ALK: variants seen among roughly 807,000 people sequenced by gnomAD.
ALK encodes the protein ALK tyrosine kinase receptor.
In ALK, 74 loss-of-function variants were observed where a neutral mutation model predicts 163.1. That is an observed-to-expected ratio of 0.45 (90% confidence interval 0.38 to 0.55). ALK has a LOEUF of 0.55. Among genes scored for constraint, ALK ranks in the 20% least tolerant of loss-of-function variants. The probability of loss-of-function intolerance (pLI) is 0.00; values close to 1 mark genes in which losing one functional copy is unlikely to be tolerated. For missense variants in ALK, 2,063 were observed against 2,105.3 expected (o/e 0.98, Z 0.39); for synonymous variants, 960 against 843.2 (o/e 1.14, Z -2.40).
At chr2:29,845,685 C>G (rs746347971) in intron 1 of ALK, among the ~76,000 whole-genome samples, 5 of 152,218 alleles carry the variant, frequency 3.3e-5, no homozygotes, top group Non-Finnish European at 7.3e-5. Context: ...CCACCTGCCT[C>G]AGCCTCCAAA....
chr2:29,542,329 C>T (rs918014479), intron 3 of ALK, among the ~76,000 whole-genome samples: 1 of 152,016 alleles, frequency 6.6e-6, no homozygotes, highest in Non-Finnish European at 1.5e-5. Flanking sequence ...AAAATTACTC[C>T]CTTCGTCTTG....
chr2:29,687,485 G>T (rs781012792), intron 3 of ALK, among the ~76,000 whole-genome samples: 6 of 151,748 alleles, frequency 4.0e-5, no homozygotes, highest in Non-Finnish European at 7.4e-5. Context: ...CAAAGTCTAA[G>T]ATAACTCAAT....
chr2:29,663,743 T>C (rs1459116382), intron 3 of ALK, among the ~76,000 whole-genome samples: 1 of 152,142 alleles, frequency 6.6e-6, no homozygotes, highest in Non-Finnish European at 1.5e-5. Flanking sequence ...TGGGTATCAG[T>C]AGTTGTGAAA....
At chr2:29,394,108 T>C (rs1669245300) in intron 4 of ALK, among the ~76,000 whole-genome samples, 1 of 152,144 alleles carries the variant, frequency 6.6e-6, no homozygotes, top group Admixed American at 6.6e-5. Flanking sequence ...TGGCCCTACA[T>C]CAAGCACTGG....
intron 1 of ALK, among the ~76,000 whole-genome samples, chr2:29,845,413 T>C (rs947674787): frequency 2.0e-5 from 3 of 147,300 alleles, no homozygotes; most frequent in Non-Finnish European, 4.5e-5. Context: ...GTGTCTTTGC[T>C]GCAAGGCTTC....
At chr2:29,497,170 G>T (rs1672050517) in intron 4 of ALK, among the ~76,000 whole-genome samples, 1 of 152,114 alleles carries the variant, frequency 6.6e-6, no homozygotes, top group Non-Finnish European at 1.5e-5. Context: ...TACTAGGGAG[G>T]ATGAGGCAGG....
At chr2:29,221,015 G>T in intron 22 of ALK, 180 bp from the exon 23 acceptor site, 1 of 833,248 alleles carries the variant, frequency 1.2e-6, no homozygotes, top group Non-Finnish European at 2.0e-6. Flanking sequence ...CTGGTGAGCA[G>T]GTGGGAAGAA....
In ALK at chr2:29,470,947, TTAAG is replaced by T. The variant is rs1407643520; in HGVS notation, c.1154+60964_1154+60967del. On this transcript the variant is annotated intron_variant, in intron 4 of 28. Transcript: ENST00000389048. ...AAGAAAGGATGGTGGCTAGTGGAGT[TTAAG>T]TAATCAGGTTCTTGCCTTGTTCAGG... is the stretch of plus-strand genomic sequence containing the variant. Among the ~76,000 whole-genome samples the T allele has an allele frequency of 2.6e-5, 4 of 152,198 alleles. No individual in the cohort carries two copies. The East Asian group carries it at 5.8e-4, about 22-fold the overall frequency.
At chr2:29,785,015 A>G (rs570706957) in intron 1 of ALK, among the ~76,000 whole-genome samples, 2 of 152,180 alleles carry the variant, frequency 1.3e-5, no homozygotes, top group East Asian at 3.9e-4. Flanking sequence ...GCCCTGAACC[A>G]CTGACAAGAA....
In ALK at chr2:29,229,005, C is replaced by T; in HGVS notation, c.2694G>A (p.Glu898=). 2 of 1,613,432 alleles carry T rather than the reference C, an allele frequency of 1.2e-6. No homozygotes were observed. The highest frequency in any genetic ancestry group is 2.2e-5 in the East Asian group (1 of 44,830). ...GGCAGGAATGTCCTCCGGTGGCACC[C>T]TCCTGCAAAGATTTTCCGGCCCAGA... ...SLLWAGKSLQ[E]GATGGHSCPQ... The change falls in exon 16 of 29, where the codon GAG becomes GAA. Residue 898 remains glutamate (E), a synonymous_variant. Coordinates refer to ENST00000389048, the MANE Select transcript of ALK (RefSeq NM_004304.5).
chr2:29,918,714 A>G (rs1667901825), intron 1 of ALK, among the ~76,000 whole-genome samples: 2 of 152,146 alleles, frequency 1.3e-5, no homozygotes, highest in South Asian at 4.1e-4. Context: ...GTGTGTGTGT[A>G]TGTGTGTGCA....
chr2:29,355,440 G>A lies in ALK; in HGVS notation c.1283-26959C>T, dbSNP rs371049456. On this transcript the variant is annotated intron_variant, in intron 5 of 28. Coordinates refer to ENST00000389048, the MANE Select transcript of ALK (RefSeq NM_004304.5). ...AAGCCCAAGACTTTCAGTCCATCCT[G>A]GCCTATGCTCCCTGCTAACACACAC... Among the ~76,000 whole-genome samples, 16 of 151,986 alleles carry A rather than the reference G, an allele frequency of 1.1e-4. No individual in the cohort carries two copies. The East Asian group carries it at 2.3e-3, about 22-fold the overall frequency.
At chr2:29,398,063 C>T (rs1362348024) in intron 4 of ALK, among the ~76,000 whole-genome samples, 6 of 152,110 alleles carry the variant, frequency 3.9e-5, no homozygotes, top group Non-Finnish European at 8.8e-5. Flanking sequence ...AGGGTCAGCT[C>T]AAAATTGTGA....
intron 4 of ALK, among the ~76,000 whole-genome samples, chr2:29,416,596 GT>G (rs575759929): frequency 5.9e-5 from 9 of 152,324 alleles, no homozygotes; most frequent in African/African-American, 1.9e-4. Context: ...TTTGGGGATA[GT>G]GTCAGGAAGC....
At chr2:29,908,949 AG>A (rs1205233081) in intron 1 of ALK, among the ~76,000 whole-genome samples, 1 of 151,768 alleles carries the variant, frequency 6.6e-6, no homozygotes, top group Non-Finnish European at 1.5e-5. Context: ...TCAATTTAAA[AG>A]AAAAAAAAAC....
rs572165970 is a variant in ALK at position 29,332,083 on chromosome 2, A to G, written c.1283-3602T>C. 5.3e-3 allele frequency among the ~76,000 whole-genome samples: 808 copies of G among 151,840 alleles called. 10 individuals carry two copies. The highest frequency in any genetic ancestry group is 4.6e-3 in the Non-Finnish European group (311 of 67,924). ...GGGCAGATCACAAGGTCAGGAGATC[A>G]AGACCATCTGGGCTAACATGGTGAA... On this transcript the variant is annotated intron_variant, in intron 5 of 28. Transcript: ENST00000389048.
intron 3 of ALK, among the ~76,000 whole-genome samples, chr2:29,641,399 A>T (rs570924448): frequency 1.3e-5 from 2 of 152,254 alleles, no homozygotes; most frequent in East Asian, 3.9e-4. Context: ...TTCTGAAAAA[A>T]CAATCCAATT....
chr2:29,555,822 C>A (rs918255214), intron 3 of ALK, among the ~76,000 whole-genome samples: 3 of 151,686 alleles, frequency 2.0e-5, no homozygotes, highest in Non-Finnish European at 2.9e-5. Flanking sequence ...GAAGAGAAAA[C>A]AGAGTGAAAA....
chr2:29,579,837 G>T (rs974904403), intron 3 of ALK, among the ~76,000 whole-genome samples: 2 of 152,302 alleles, frequency 1.3e-5, no homozygotes, highest in Middle Eastern at 6.8e-3. Flanking sequence ...AATTCTAGGA[G>T]TCAACAGCTT....
Sources: gnomAD v4.1 joint callset for allele counts (sites outside exome capture counted in the v4.1 genomes callset) on GRCh38, gnomAD v4.1.1 for gene constraint, MANE v1.5 for transcripts, NCBI Gene and HGNC (gene_info 2026-07-23, HGNC 2026-07-21) for gene names.